CELSR1: variants seen among roughly 807,000 people sequenced by gnomAD.
CELSR1 encodes adhesion G protein-coupled receptor C1.
CELSR1 carries 110 observed loss-of-function variants against 249.1 expected under a neutral mutation model. The observed-to-expected ratio is 0.44, with a 90% CI of 0.38 to 0.52. The LOEUF is 0.52. Ranked by LOEUF, CELSR1 falls within the 20% of genes least tolerant of loss-of-function variation. The pLI is 0.00. For synonymous variants in CELSR1, 2,113 were observed against 1,900.0 expected, an observed-to-expected ratio of 1.11 and a Z score of -2.92; for missense variants, 4,109 against 4,296.4, an observed-to-expected ratio of 0.96 and a Z score of 1.22.
chr22:46,437,375 C>A lies in CELSR1; in HGVS notation c.4407-1086G>T, dbSNP rs1009929453. On this transcript the variant is annotated intron_variant, in intron 3 of 34. Transcript: ENST00000674500. This position sits in a 1 kb window ranked among gnomAD's most constrained non-coding sequence, Gnocchi z 4.9. ...GATACACGGCAGGAACTCCTTTTAA[C>A]CTAAGGTTGGTTTATCCATTTTCCT... is the stretch of plus-strand genomic sequence containing the variant. 2.6e-5 allele frequency among the ~76,000 whole-genome samples: 4 copies of A among 152,188 alleles called. No homozygotes were observed. Among genetic ancestry groups the A allele is most frequent in the African/African-American group, 9.7e-5 (4 of 41,448 alleles).
rs1178783249 is a variant in CELSR1, at chr22:46,390,882, G to C, written c.6250+304C>G. On this transcript the variant is annotated intron_variant, in intron 16 of 34. Transcript: ENST00000674500. This position sits in a 1 kb window ranked among gnomAD's most constrained non-coding sequence, Gnocchi z 6.3. ...CAGTCAATGTCCCCATTTCACAGAGGTAACCCGATGCTATGAACAGTGAAG... is the reference window on the plus strand; with the variant it reads ...CAGTCAATGTCCCCATTTCACAGAGCTAACCCGATGCTATGAACAGTGAAG... Among the ~76,000 whole-genome samples the C allele has an allele frequency of 6.6e-6, 1 of 152,196 alleles. No individual in the cohort carries two copies. The highest frequency in any genetic ancestry group is 1.5e-5 in the Non-Finnish European group (1 of 68,034).
At chr22:46,498,611 CA>C (rs35803268) in intron 1 of CELSR1, among the ~76,000 whole-genome samples, 18,828 of 108,886 alleles carry the variant, frequency 0.17, 1,223 homozygotes, top group South Asian at 0.26. Flanking sequence ...GACTCTGTCT[CA>C]AAAAAAAAAA....
At chr22:46,419,709 C>G (rs1418665716) in intron 5 of CELSR1, among the ~76,000 whole-genome samples, 2 of 152,240 alleles carry the variant, frequency 1.3e-5, no homozygotes, top group Non-Finnish European at 2.9e-5. Context: ...CACTCGCCCA[C>G]TCACACTCAC....
Position 46,394,125 on chromosome 22 carries a change from T to C in CELSR1, c.5964+17A>G, listed in dbSNP as rs748052498. 9.3e-6 allele frequency: 15 copies of C among 1,611,420 alleles called. No homozygotes were observed. The highest frequency in any genetic ancestry group is 6.7e-5 in the Admixed American group (4 of 59,786). ...GAGCAAACACAGCATGCAGGGATCATGGGGGCGGGGCCTCACCTTGCATTG... is the reference window on the plus strand; with the variant it reads ...GAGCAAACACAGCATGCAGGGATCACGGGGGCGGGGCCTCACCTTGCATTG... On this transcript the variant is annotated intron_variant, in intron 14 of 34. Coordinates refer to ENST00000674500, the MANE Select transcript of CELSR1 (RefSeq NM_001378328.1).
rs2080586538 is a variant in CELSR1, at chr22:46,512,748, G to T, written c.3544+20879C>A. On this transcript the variant is annotated intron_variant, in intron 1 of 34. Transcript: ENST00000674500. This position sits in a 1 kb window ranked among gnomAD's most constrained non-coding sequence, Gnocchi z 5.2. ...TCAGGCACAGCTCCTGCTTATAGAG[G>T]GTAGCGGGTTTCCGTTCCCTGCCAT... Among the ~76,000 whole-genome samples the T allele has an allele frequency of 6.6e-6, 1 of 152,180 alleles. No homozygotes were observed. Among genetic ancestry groups the T allele is most frequent in the South Asian group, 2.1e-4 (1 of 4,826 alleles).
In CELSR1 at chr22:46,408,004, G is replaced by T. The variant is rs577960470; in HGVS notation, c.5226+992C>A. On this transcript the variant is annotated intron_variant, in intron 9 of 34. Transcript: ENST00000674500. This position sits in a 1 kb window ranked among gnomAD's most constrained non-coding sequence, Gnocchi z 4.6. ...GAGGGTCCCCATGGCTGCCTCATGC[G>T]GCGGAGGTTGTGGCAGAAGGGCAGC... 1.3e-5 allele frequency among the ~76,000 whole-genome samples: 2 copies of T among 152,346 alleles called. No homozygotes were observed. Among genetic ancestry groups the T allele is most frequent in the South Asian group, 2.1e-4 (1 of 4,834 alleles).
Position 46,364,546 on chromosome 22 carries a change from C to T in CELSR1, c.8745G>A (p.Arg2915=). The T allele has an allele frequency of 6.2e-7, 1 of 1,611,816 alleles. No individual in the cohort carries two copies. Among genetic ancestry groups the T allele is most frequent in the Non-Finnish European group, 8.5e-7 (1 of 1,179,740 alleles). ...PPDQESGGAA[R]LASSQPPEQR... is the part of the protein sequence containing the mutation. The stretch of plus-strand genomic sequence containing the variant: ...GCTCTGGGGGCTGGCTGCTAGCAAG[C>T]CTGGCTGCGCCCCCGCTCTCCTGGT... Residue 2915 remains arginine, a synonymous_variant, in exon 33 of 35, where the codon AGG becomes AGA. Transcript: ENST00000674500.
intron 5 of CELSR1, among the ~76,000 whole-genome samples, chr22:46,432,721 G>A (rs568549692): frequency 1.3e-5 from 2 of 152,194 alleles, no homozygotes; most frequent in African/African-American, 4.8e-5. Flanking sequence ...TACAGTGGAC[G>A]ATTTTGGCTA....
chr22:46,441,056 G>C lies in CELSR1; in HGVS notation c.4184-1645C>G, dbSNP rs888243833. On this transcript the variant is annotated intron_variant, in intron 2 of 34. Coordinates refer to ENST00000674500, the MANE Select transcript of CELSR1 (RefSeq NM_001378328.1). The surrounding 1 kb of genome is among the most constrained non-coding windows in gnomAD (Gnocchi z 6.1). ...TAATCCCATCTACTCGGGAGGCTGA[G>C]GCAGGAGAACTGCTTCAACCCGGGA... Among the ~76,000 whole-genome samples the C allele has an allele frequency of 6.6e-6, 1 of 151,978 alleles. No individual in the cohort carries two copies. Among genetic ancestry groups the C allele is most frequent in the East Asian group, 1.9e-4 (1 of 5,190 alleles).
rs1420304374 is a variant in CELSR1, at chr22:46,402,959, T to C, written c.5227-3057A>G. On this transcript the variant is annotated intron_variant, in intron 9 of 34. Coordinates refer to ENST00000674500, the MANE Select transcript of CELSR1 (RefSeq NM_001378328.1). This position sits in a 1 kb window ranked among gnomAD's most constrained non-coding sequence, Gnocchi z 5.0. Reference sequence around the variant, plus strand: ...TTGAAAGTAAAAGGATAGAAAAAAATACATCATATAAATACCAACCAAAAG... The same window carrying C: ...TTGAAAGTAAAAGGATAGAAAAAAACACATCATATAAATACCAACCAAAAG... Among the ~76,000 whole-genome samples the C allele has an allele frequency of 2.0e-5, 3 of 151,978 alleles. No individual in the cohort carries two copies. Among genetic ancestry groups the C allele is most frequent in the Non-Finnish European group, 4.4e-5 (3 of 67,980 alleles).
At chr22:46,496,644 T>G (rs2080417129) in intron 1 of CELSR1, among the ~76,000 whole-genome samples, 1 of 152,160 alleles carries the variant, frequency 6.6e-6, no homozygotes, top group Non-Finnish European at 1.5e-5. Context: ...TTTTTTACTT[T>G]GTGTTAAAAA....
chr22:46,364,276 T>C (rs746165044), intron 33 of CELSR1, 25 bp from the exon 34 acceptor site: 2 of 1,602,502 alleles, frequency 1.2e-6, no homozygotes, highest in South Asian at 2.2e-5. Flanking sequence ...CACGGCAAGG[T>C]CAAGTCCGGG....
At chr22:46,389,176 TG>T in intron 18 of CELSR1, 113 bp downstream of exon 18, 1 of 1,184,596 alleles carries the variant, frequency 8.4e-7, no homozygotes, top group African/African-American at 1.5e-5. Flanking sequence ...ATGGGGATCC[TG>T]GACACAACCG....
chr22:46,385,882 T>C (rs2079027796), intron 19 of CELSR1, among the ~76,000 whole-genome samples: 1 of 151,806 alleles, frequency 6.6e-6, no homozygotes, highest in Non-Finnish European at 1.5e-5. Flanking sequence ...TTTCACCATG[T>C]TAGCCAGGAT....
In CELSR1 at chr22:46,409,611, G is replaced by A. The variant is rs1463346757; in HGVS notation, c.5059+144C>T. The A allele has an allele frequency of 1.0e-5, 10 of 968,128 alleles. No homozygotes were observed. Among genetic ancestry groups the A allele is most frequent in the Non-Finnish European group, 1.6e-5 (10 of 645,090 alleles). 60.0% of individuals were successfully genotyped at this position (968,128 alleles called of 1,614,324 possible). ...AGGACAGTCTCTTGGAGAGGGCGGT[G>A]TGAGTCCACAGTAAATGCAGCATAT... On this transcript the variant is annotated intron_variant, in intron 8 of 34. Transcript: ENST00000674500. This position sits in a 1 kb window ranked among gnomAD's most constrained non-coding sequence, Gnocchi z 9.8.
chr22:46,391,283 G>A lies in CELSR1; in HGVS notation c.6153C>T (p.Ile2051=). 2 of 1,613,472 alleles carry A rather than the reference G, an allele frequency of 1.2e-6. No homozygotes were observed. Among genetic ancestry groups the A allele is most frequent in the Non-Finnish European group, 1.7e-6 (2 of 1,179,866 alleles). The stretch of plus-strand genomic sequence containing the variant: ...CAAATGCTTTGGGACAGCCATTGTA[G>A]ATCACTGGGGTAGAGAAGAGAGAAG... The part of the protein sequence containing the change: ...AEVTTLGCEV[I]YNGCPKAFEA... Residue 2051 remains isoleucine, a synonymous_variant, in exon 16 of 35, where the codon ATC becomes ATT. Transcript: ENST00000674500. The surrounding 1 kb of genome is among the most constrained non-coding windows in gnomAD (Gnocchi z 4.3).
chr22:46,391,291 G>A lies in CELSR1; in HGVS notation c.6149-4C>T. 6.2e-7 allele frequency: 1 copy of A among 1,612,908 alleles called. No individual in the cohort carries two copies. The highest frequency in any genetic ancestry group is 8.5e-7 in the Non-Finnish European group (1 of 1,179,458). On this transcript the variant is annotated splice_polypyrimidine_tract_variant and splice_region_variant and intron_variant, in intron 15 of 34. Transcript: ENST00000674500. This position sits in a 1 kb window ranked among gnomAD's most constrained non-coding sequence, Gnocchi z 4.3. The stretch of plus-strand genomic sequence containing the variant: ...TTGGGACAGCCATTGTAGATCACTG[G>A]GGTAGAGAAGAGAGAAGTCTGCTCA...
chr22:46,374,494 C>CA lies in CELSR1; in HGVS notation c.7585-1438dup, dbSNP rs1293336166. ...GCCCAGAGATAGGATTGTGGGTTTA[C>CA]AAAAAAACCATAAAGCCCAGGCACT... On this transcript the variant is annotated intron_variant, in intron 24 of 34. Coordinates refer to ENST00000674500, the MANE Select transcript of CELSR1 (RefSeq NM_001378328.1). This position sits in a 1 kb window ranked among gnomAD's most constrained non-coding sequence, Gnocchi z 4.3. 1.3e-5 allele frequency among the ~76,000 whole-genome samples: 2 copies of CA among 152,098 alleles called. No individual in the cohort carries two copies. The highest frequency in any genetic ancestry group is 6.5e-5 in the Admixed American group (1 of 15,280).
intron 5 of CELSR1, among the ~76,000 whole-genome samples, chr22:46,415,669 G>GC (rs1312508932): frequency 6.6e-6 from 1 of 151,280 alleles, no homozygotes; most frequent in Non-Finnish European, 1.5e-5. Flanking sequence ...CCCCTCACCA[G>GC]CCCCCTGCCA....
Sources: allele counts gnomAD v4.1 joint callset (sites outside exome capture counted in the v4.1 genomes callset), GRCh38; gene constraint gnomAD v4.1.1; non-coding constraint Gnocchi (gnomAD v3.1); transcripts MANE v1.5; gene names NCBI Gene and HGNC (gene_info 2026-07-23, HGNC 2026-07-21).